The following DGKH variants were observed in gnomAD, a reference collection of about 807,000 sequenced individuals.
DGKH encodes the protein DAG kinase eta.
A neutral mutation model predicts 159.3 loss-of-function variants in DGKH; 90 were observed. The observed-to-expected ratio is 0.57, with a 90% CI of 0.48 to 0.67. DGKH has a LOEUF of 0.67. DGKH is among the 30% of genes least tolerant of loss of function. The pLI is 0.00. For missense variants in DGKH, 1,181 were observed against 1,506.1 expected, an observed-to-expected ratio of 0.78 and a Z score of 3.57; for synonymous variants, 536 against 553.8, an observed-to-expected ratio of 0.97 and a Z score of 0.45.
chr13:42,041,294 G>C (rs1349527770), intron 1 of DGKH, among the ~76,000 whole-genome samples: 5 of 152,148 alleles, frequency 3.3e-5, no homozygotes, highest in Non-Finnish European at 7.4e-5. Flanking sequence ...GAGGAGCCCG[G>C]TTTTCCCTGT....
chr13:42,214,431 A>G, intron 24 of DGKH, 76 bp from the exon 25 acceptor site: 1 of 1,404,086 alleles, frequency 7.1e-7, no homozygotes, highest in Non-Finnish European at 9.8e-7. Context: ...GTTTTATCCT[A>G]ACATTTCTAT....
chr13:42,141,861 TG>T (rs1955571151), intron 3 of DGKH, among the ~76,000 whole-genome samples: 1 of 151,954 alleles, frequency 6.6e-6, no homozygotes, highest in African/African-American at 2.4e-5. Flanking sequence ...TTCACTCTGA[TG>T]GTAGTTTCTT....
At chr13:42,143,771 C>G (rs1304268941) in intron 3 of DGKH, among the ~76,000 whole-genome samples, 1 of 151,910 alleles carries the variant, frequency 6.6e-6, no homozygotes, top group Non-Finnish European at 1.5e-5. Flanking sequence ...TTTATTGTAT[C>G]TATTTGATTC....
chr13:42,209,337 A>T lies in DGKH; in HGVS notation c.2722A>T (p.Thr908Ser). ...ATGATTTGTTTTATTTCAGTGCCGTACAGTGAAAATCACTATATTTGGTGA... is the reference window on the plus strand; with the variant it reads ...ATGATTTGTTTTATTTCAGTGCCGTTCAGTGAAAATCACTATATTTGGTGA... ...LQHHRIAQCR[T>S]VKITIFGDEG... The change falls in exon 23 of 30, where the codon ACA (threonine) becomes TCA (serine). Residue 908 changes from threonine (T) to serine (S), a missense_variant. Physicochemically the swap from Thr to Ser is moderately conservative, Grantham distance 58. Transcript: ENST00000337343. 6.2e-7 allele frequency: 1 copy of T among 1,611,126 alleles called. No individual in the cohort carries two copies. The highest frequency in any genetic ancestry group is 8.5e-7 in the Non-Finnish European group (1 of 1,179,182).
intron 20 of DGKH, among the ~76,000 whole-genome samples, chr13:42,201,754 A>G (rs1317581294): frequency 6.6e-6 from 1 of 152,308 alleles, no homozygotes; most frequent in Non-Finnish European, 1.5e-5. Context: ...TAAATTAACA[A>G]CATATTTTTA....
At chr13:42,144,552 T>G (rs1222906745) in intron 3 of DGKH, among the ~76,000 whole-genome samples, 1 of 151,918 alleles carries the variant, frequency 6.6e-6, no homozygotes, top group Non-Finnish European at 1.5e-5. Context: ...CAGGGCATGG[T>G]GGCGCGTGCC....
downstream of DGKH, among the ~76,000 whole-genome samples, chr13:42,247,426 T>C (rs964524773): frequency 3.3e-5 from 5 of 152,080 alleles, no homozygotes; most frequent in African/African-American, 1.2e-4. Context: ...AGACGGGGTT[T>C]CACCATGTTT....
intron 1 of DGKH, among the ~76,000 whole-genome samples, chr13:42,107,660 G>A (rs1349175036): frequency 1.3e-5 from 2 of 152,094 alleles, no homozygotes; most frequent in African/African-American, 4.8e-5. Context: ...ACTTTTGTGG[G>A]ACTGTGGTGT....
At position 42,239,380 on chromosome 13, in the gene DGKH, A is replaced by G. The variant is rs1958475769; in HGVS notation, c.*10192A>G. On this transcript the variant is annotated 3_prime_UTR_variant, in exon 30 of 30. Transcript: ENST00000337343. ...AGTATGCAAATTAGGTTTTTCTGCC[A>G]AGAAACTCATAAACTAAAGTATGGA... 1 of 152,618 alleles carries G rather than the reference A, an allele frequency of 6.6e-6. No homozygotes were observed. The highest frequency in any genetic ancestry group is 1.5e-5 in the Non-Finnish European group (1 of 67,986). The allele number at this position is 152,618 out of a possible 1,614,324, so 9.5% of individuals were successfully genotyped here.
At position 42,193,954 on chromosome 13, in the gene DGKH, A is replaced by G. The variant is rs1957144940; in HGVS notation, c.2036-931A>G. On this transcript the variant is annotated intron_variant, in intron 16 of 29. Coordinates refer to ENST00000337343, the MANE Select transcript of DGKH (RefSeq NM_178009.5). ...TCTGCATTAACTTGCCTCAGTTTAG[A>G]GTTAAATCTTTCTTCTTCTTGTGTA... Among the ~76,000 whole-genome samples, 4 of 152,190 alleles carry G rather than the reference A, an allele frequency of 2.6e-5. No individual in the cohort carries two copies. In the South Asian group the frequency reaches 6.2e-4, roughly 24 times the overall value.
At chr13:42,103,676 C>T (rs375220149) in intron 1 of DGKH, among the ~76,000 whole-genome samples, 27 of 152,316 alleles carry the variant, frequency 1.8e-4, no homozygotes, top group African/African-American at 6.3e-4. Context: ...CATCTCACCT[C>T]TGAACTAATT....
intron 11 of DGKH, among the ~76,000 whole-genome samples, chr13:42,172,462 G>C (rs1374980779): frequency 6.6e-6 from 1 of 152,146 alleles, no homozygotes; most frequent in East Asian, 1.9e-4. Flanking sequence ...AAAATATAAT[G>C]TATGTCTATT....
At chr13:42,199,540 TG>T in intron 18 of DGKH, 25 bp from the exon 19 acceptor site, 4 of 1,453,546 alleles carry the variant, frequency 2.8e-6, no homozygotes, top group South Asian at 1.3e-5. Flanking sequence ...AAATTGACTT[TG>T]ATGTACTTTT....
At chr13:42,181,234 G>C (rs548665189) in intron 13 of DGKH, among the ~76,000 whole-genome samples, 9 of 130,806 alleles carry the variant, frequency 6.9e-5, no homozygotes, top group Non-Finnish European at 1.2e-4. Context: ...CGGAGATTGC[G>C]CCACTGCACT....
chr13:42,168,225 T>G (rs1956356899), intron 9 of DGKH, among the ~76,000 whole-genome samples: 1 of 152,218 alleles, frequency 6.6e-6, no homozygotes, highest in African/African-American at 2.4e-5. Context: ...CTCCTAATTT[T>G]ATCTTCATTT....
chr13:42,063,336 G>C (rs1382662284), intron 1 of DGKH, among the ~76,000 whole-genome samples: 20 of 152,194 alleles, frequency 1.3e-4, no homozygotes, highest in Non-Finnish European at 4.4e-5. Context: ...GGTGGGAAGG[G>C]AGTGAGGGGA....
intron 3 of DGKH, chr13:42,140,964 G>C (rs1955536710): frequency 7.0e-6 from 1 of 142,994 alleles, no homozygotes; most frequent in Non-Finnish European, 1.5e-5. Context: ...AAGTTTTAGG[G>C]TACATGTGCA....
intron 28 of DGKH, 22 bp from the exon 29 acceptor site, chr13:42,221,242 G>GT (rs1460094277): frequency 6.2e-7 from 1 of 1,612,346 alleles, no homozygotes; most frequent in African/African-American, 1.3e-5. Context: ...AATTAAGGGG[G>GT]TTTTGCTCTT....
chr13:42,129,548 A>G lies in DGKH; in HGVS notation c.304-4A>G. On this transcript the variant is annotated splice_polypyrimidine_tract_variant and splice_region_variant and intron_variant, in intron 2 of 29. Coordinates refer to ENST00000337343, the MANE Select transcript of DGKH (RefSeq NM_178009.5). ...TGTCTTTGTATGTTTTTTTTCATTAACAGTCTCTGATATTTGATGAAGTTG... is the reference window on the plus strand; with the variant it reads ...TGTCTTTGTATGTTTTTTTTCATTAGCAGTCTCTGATATTTGATGAAGTTG... 1 of 1,609,296 alleles carries G rather than the reference A, an allele frequency of 6.2e-7. No individual in the cohort carries two copies. The highest frequency in any genetic ancestry group is 8.5e-7 in the Non-Finnish European group (1 of 1,177,348).
Sources: gnomAD v4.1 joint callset for allele counts (sites outside exome capture counted in the v4.1 genomes callset) on GRCh38, gnomAD v4.1.1 for gene constraint, MANE v1.5 for transcripts, NCBI Gene and HGNC (gene_info 2026-07-23, HGNC 2026-07-21) for gene names.